The following ANO3 variants were observed in gnomAD, a reference collection of about 807,000 sequenced individuals.
ANO3 encodes anoctamin 3.
Under a neutral mutation model 144.8 loss-of-function variants are expected in ANO3, and 99 were observed. The ratio of observed to expected loss-of-function variants is 0.68; its 90% CI spans 0.58 to 0.81. The LOEUF is 0.81. Ranked by LOEUF, ANO3 falls within the 30% of genes least tolerant of loss-of-function variation. ANO3 has a pLI of 0.00. For missense variants in ANO3, 905 were observed against 1,202.2 expected, an observed-to-expected ratio of 0.75 and a Z score of 3.66; for synonymous variants, 414 against 392.6, an observed-to-expected ratio of 1.05 and a Z score of -0.64.
chr11:26,313,736 T>C (rs534308057), intron 1 of ANO3, among the ~76,000 whole-genome samples: 2 of 151,970 alleles, frequency 1.3e-5, no homozygotes, highest in South Asian at 4.1e-4. Flanking sequence ...TAATACATAG[T>C]TCACAAATGT....
chr11:26,371,878 G>C, intron 1 of ANO3, among the ~76,000 whole-genome samples: 1 of 152,130 alleles, frequency 6.6e-6, no homozygotes, highest in South Asian at 2.1e-4. Context: ...TTATTGTGCA[G>C]ACTCATAGGT....
rs77819674 is a variant in ANO3, at chr11:26,363,176, T to C, written c.46+30855T>C. Among the ~76,000 whole-genome samples, 849 of 152,304 alleles carry C rather than the reference T, an allele frequency of 5.6e-3. 5 individuals carry two copies. The highest frequency in any genetic ancestry group is 0.02 in the African/African-American group (824 of 41,572). The stretch of plus-strand genomic sequence containing the variant: ...TCAAAGGTCAGGAAAATATGACCCA[T>C]AGAGATTAAATACCTTCCCATAAAT... On this transcript the variant is annotated intron_variant, in intron 1 of 26. Coordinates refer to ENST00000256737, the MANE Select transcript of ANO3 (RefSeq NM_031418.4).
chr11:26,367,362 T>A (rs1856122419), intron 1 of ANO3, among the ~76,000 whole-genome samples: 1 of 152,192 alleles, frequency 6.6e-6, no homozygotes, highest in African/African-American at 2.4e-5. Flanking sequence ...GGACATAACA[T>A]ATGTGACTAT....
intron 1 of ANO3, among the ~76,000 whole-genome samples, chr11:26,223,453 T>C (rs893383265): frequency 6.6e-6 from 1 of 152,066 alleles, no homozygotes; most frequent in Non-Finnish European, 1.5e-5. Context: ...CTTTCCCTCA[T>C]CTTGTTGTCT....
chr11:26,341,404 A>G (rs1002332834), intron 1 of ANO3, among the ~76,000 whole-genome samples: 2 of 152,234 alleles, frequency 1.3e-5, no homozygotes, highest in African/African-American at 4.8e-5. Context: ...GTTACACAGT[A>G]AGTAATCATG....
At chr11:26,337,167 A>C (rs781043583) in intron 1 of ANO3, among the ~76,000 whole-genome samples, 9 of 152,222 alleles carry the variant, frequency 5.9e-5, no homozygotes, top group Non-Finnish European at 8.8e-5. Context: ...CCGAAAAAAA[A>C]CACAAGTGTC....
At chr11:26,438,592 CAAAAAAAAAA>C in intron 1 of ANO3, among the ~76,000 whole-genome samples, 1 of 70,302 alleles carries the variant, frequency 1.4e-5, no homozygotes, top group South Asian at 7.0e-4. Context: ...ACTAAAAATA[CAAAAAAAAAA>C]AAAAAAGAAA....
chr11:26,246,912 G>T (rs574728106), intron 1 of ANO3, among the ~76,000 whole-genome samples: 34 of 152,244 alleles, frequency 2.2e-4, no homozygotes, highest in African/African-American at 7.7e-4. Context: ...CAGCCATGTG[G>T]AACTGTGAGT....
intron 1 of ANO3, among the ~76,000 whole-genome samples, chr11:26,206,462 C>G (rs967785670): frequency 2.6e-5 from 4 of 152,010 alleles, no homozygotes; most frequent in African/African-American, 4.8e-5. Flanking sequence ...TATTTCCTTC[C>G]TAGACAATGT....
intron 1 of ANO3, among the ~76,000 whole-genome samples, chr11:26,378,937 A>G (rs980118724): frequency 2.0e-5 from 3 of 148,532 alleles, no homozygotes; most frequent in Admixed American, 6.8e-5. Flanking sequence ...GTCTCATTGG[A>G]TATACTTTGA....
upstream of ANO3, among the ~76,000 whole-genome samples, chr11:26,305,373 A>G (rs1461663940): frequency 1.3e-5 from 2 of 152,092 alleles, no homozygotes; most frequent in Non-Finnish European, 2.9e-5. Context: ...CCCAAAACTC[A>G]TTCAAGATGA....
rs550697154 is a variant in ANO3 at position 26,212,061 on chromosome 11, G to T, written c.154+22731G>T. On this transcript the variant is annotated intron_variant, in intron 1 of 27. Transcript: ENST00000672621. ...TATCACACACTGGGGCCTGTCAGGT[G>T]GTGGGGGGATAGGGAAGGGATAGTA... Among the ~76,000 whole-genome samples the T allele has an allele frequency of 3.3e-5, 5 of 152,216 alleles. No individual in the cohort carries two copies. The South Asian group carries it at 1.0e-3, about 32-fold the overall frequency.
chr11:26,287,548 T>A (rs541458895), intron 1 of ANO3: 1 of 152,314 alleles, frequency 6.6e-6, no homozygotes, highest in Admixed American at 6.5e-5. Flanking sequence ...TTCACCAGTA[T>A]CCTGTTAATG....
chr11:26,495,953 A>T (rs1170361371), intron 4 of ANO3, among the ~76,000 whole-genome samples: 1 of 152,220 alleles, frequency 6.6e-6, no homozygotes, highest in African/African-American at 2.4e-5. Context: ...ACTGATGATG[A>T]TACTAAGCAG....
intron 23 of ANO3, 21 bp downstream of exon 23, chr11:26,643,355 G>T (rs777367575): frequency 1.9e-6 from 3 of 1,613,074 alleles, no homozygotes; most frequent in South Asian, 1.1e-5. Flanking sequence ...GAAGTTAAAT[G>T]ATTTTTACGT....
chr11:26,369,130 G>A (rs1856177806), intron 1 of ANO3, among the ~76,000 whole-genome samples: 1 of 152,076 alleles, frequency 6.6e-6, no homozygotes. Flanking sequence ...TTCCAGCCAT[G>A]TAAGTCTGTG....
chr11:26,581,008 T>C (rs1851114647), intron 14 of ANO3, among the ~76,000 whole-genome samples: 1 of 152,194 alleles, frequency 6.6e-6, no homozygotes, highest in Admixed American at 6.5e-5. Context: ...TTATCTGTGA[T>C]GCTAATTTCT....
chr11:26,437,510 TTTCTCCA>T (rs1442147642), intron 1 of ANO3, among the ~76,000 whole-genome samples: 1 of 152,210 alleles, frequency 6.6e-6, no homozygotes. Context: ...CTGTCTTGAT[TTTCTCCA>T]TTCTCCATTG....
rs10734380 is a variant in ANO3, at chr11:26,647,548, G to A, written c.2429-161G>A. On this transcript the variant is annotated intron_variant, in intron 23 of 26. Transcript: ENST00000256737. ...TTCTCTTTGTGGAAAAAGTGTATTC[G>A]ATAGCTATAATGTCTGTATTGAGAT... Among the ~76,000 whole-genome samples, 88,937 of 152,028 alleles carry A rather than the reference G, an allele frequency of 0.59. 26,966 individuals carry two copies. Among genetic ancestry groups the A allele is most frequent in the East Asian group, 0.69 (3,567 of 5,172 alleles).
Sources: gnomAD v4.1 joint callset for allele counts (sites outside exome capture counted in the v4.1 genomes callset) on GRCh38, gnomAD v4.1.1 for gene constraint, MANE v1.5 for transcripts, NCBI Gene and HGNC (gene_info 2026-07-23, HGNC 2026-07-21) for gene names.